The following CUBN variants were observed in gnomAD, a reference collection of about 807,000 sequenced individuals.
CUBN encodes cubilin.
Under a neutral mutation model 405.3 loss-of-function variants are expected in CUBN, and 282 were observed. The ratio of observed to expected loss-of-function variants is 0.70; its 90% CI spans 0.63 to 0.77. The LOEUF (loss-of-function observed/expected upper bound fraction) is 0.77. CUBN is among the 30% of genes least tolerant of loss of function. The pLI, the probability that CUBN is intolerant of heterozygous loss-of-function variation, is 0.00. For synonymous variants in CUBN, 1,684 were observed against 1,617.0 expected (o/e 1.04, Z -0.99); for missense variants, 4,514 against 4,475.2 (o/e 1.01, Z -0.25).
Position 16,928,243 on chromosome 10 carries a change from A to G in CUBN, c.6185T>C (p.Ile2062Thr), listed in dbSNP as rs1842251327. The G allele has an allele frequency of 6.2e-7, 1 of 1,613,816 alleles. No individual in the cohort carries two copies. The highest frequency in any genetic ancestry group is 8.5e-7 in the Non-Finnish European group (1 of 1,179,888). The change falls in exon 41 of 67, where the codon ATC becomes ACC. Residue 2062 changes from isoleucine (I) to threonine (T), a missense_variant. Coordinates refer to ENST00000377833, the MANE Select transcript of CUBN (RefSeq NM_001081.4). ...GAACATGTACTCTCCAGTAGACCGGATGGGCCCAGGGATCTCTCTGCCACA... is the reference window on the plus strand; with the variant it reads ...GAACATGTACTCTCCAGTAGACCGGGTGGGCCCAGGGATCTCTCTGCCACA... ...VLCGREIPGP[I>T]RSTGEYMFIR...
rs1840447811 is a variant in CUBN at position 16,874,549 on chromosome 10, C to A, written c.9107-46G>T. 13 of 1,611,256 alleles carry A rather than the reference C, an allele frequency of 8.1e-6. No homozygotes were observed. In the East Asian group the frequency reaches 2.9e-4, roughly 36 times the overall value. On this transcript the variant is annotated intron_variant, in intron 57 of 66. Coordinates refer to ENST00000377833, the MANE Select transcript of CUBN (RefSeq NM_001081.4). ...ATATGAAGAGAACAACGATTAGTCC[C>A]AGCATGGAAAAATGATTTTAAGAGA...
intron 48 of CUBN, among the ~76,000 whole-genome samples, chr10:16,910,276 C>T (rs1419851866): frequency 6.6e-6 from 1 of 151,388 alleles, no homozygotes; most frequent in Non-Finnish European, 1.5e-5. Context: ...CTTCTTCTTC[C>T]TCTTTCATCT....
chr10:17,000,854 T>G (rs542140188), intron 28 of CUBN, among the ~76,000 whole-genome samples: 40 of 152,314 alleles, frequency 2.6e-4, no homozygotes, highest in Admixed American at 9.2e-4. Flanking sequence ...TTTAAGAAAA[T>G]TATTGGGATG....
intron 64 of CUBN, among the ~76,000 whole-genome samples, chr10:16,833,049 T>C (rs1177847692): frequency 6.6e-6 from 1 of 152,068 alleles, no homozygotes; most frequent in African/African-American, 2.4e-5. Context: ...GAATTCTCAC[T>C]CTCCACGGCT....
intron 16 of CUBN, among the ~76,000 whole-genome samples, chr10:17,085,333 G>A (rs1178218140): frequency 1.3e-5 from 2 of 152,122 alleles, no homozygotes; most frequent in East Asian, 3.8e-4. Flanking sequence ...CTGGTGCCCT[G>A]AATTATTTAA....
chr10:17,082,689 C>T (rs947424968), intron 17 of CUBN, among the ~76,000 whole-genome samples: 1 of 152,124 alleles, frequency 6.6e-6, no homozygotes, highest in African/African-American at 2.4e-5. Context: ...GACCTTCCTC[C>T]CTATGGAAGA....
chr10:16,986,653 T>C (rs1037201035), intron 29 of CUBN, among the ~76,000 whole-genome samples: 1 of 152,186 alleles, frequency 6.6e-6, no homozygotes, highest in African/African-American at 2.4e-5. Flanking sequence ...GGAAGAGCCC[T>C]GTGTGGCCCC....
chr10:17,021,952 C>T (rs770077168), intron 27 of CUBN, among the ~76,000 whole-genome samples: 24 of 152,182 alleles, frequency 1.6e-4, no homozygotes, highest in Non-Finnish European at 3.2e-4. Flanking sequence ...TTGATAAAGG[C>T]AGGTTCCCCA....
chr10:16,851,503 T>A (rs1839684409), intron 59 of CUBN, 60 bp from the exon 60 acceptor site: 3 of 1,449,120 alleles, frequency 2.1e-6, no homozygotes, highest in Non-Finnish European at 2.9e-6. Flanking sequence ...ACATTGTACA[T>A]GGAGGGTTTT....
intron 54 of CUBN, among the ~76,000 whole-genome samples, chr10:16,892,951 T>C (rs546407096): frequency 6.6e-6 from 1 of 152,340 alleles, no homozygotes; most frequent in South Asian, 2.1e-4. Context: ...CTCTACCTTT[T>C]GGCCTGGGAA....
At chr10:16,959,544 C>T (rs1843160831) in intron 31 of CUBN, among the ~76,000 whole-genome samples, 1 of 151,900 alleles carries the variant, frequency 6.6e-6, no homozygotes, top group South Asian at 2.1e-4. Flanking sequence ...AGGAGAATCA[C>T]TTGAACCCAG....
chr10:16,947,976 C>T (rs1011866340), intron 35 of CUBN, among the ~76,000 whole-genome samples: 3 of 152,144 alleles, frequency 2.0e-5, no homozygotes, highest in Non-Finnish European at 2.9e-5. Context: ...TTTGGGAGGC[C>T]GAGGCTGGTG....
chr10:16,837,213 G>A (rs1839199092), intron 62 of CUBN, among the ~76,000 whole-genome samples: 1 of 151,756 alleles, frequency 6.6e-6, no homozygotes, highest in East Asian at 2.0e-4. Context: ...TTTCCACTTT[G>A]TGGCCTTAGC....
chr10:16,895,443 T>C (rs1841155706), intron 54 of CUBN, among the ~76,000 whole-genome samples: 1 of 152,200 alleles, frequency 6.6e-6, no homozygotes, highest in Non-Finnish European at 1.5e-5. Context: ...TATATCCTTG[T>C]CAATTATCTG....
At chr10:16,869,557 T>TGGGGGGGGG (rs59702069) in intron 59 of CUBN, 79 bp downstream of exon 59, 3 of 632,036 alleles carry the variant, frequency 4.7e-6, no homozygotes, top group African/African-American at 5.0e-5. Context: ...CAGGTGGGGG[T>TGGGGGGGGG]GGGGGGGGGG....
chr10:16,865,695 G>C (rs1840162902), intron 59 of CUBN, among the ~76,000 whole-genome samples: 1 of 151,996 alleles, frequency 6.6e-6, no homozygotes, highest in Admixed American at 6.5e-5. Flanking sequence ...AGGGAGGATT[G>C]AAAAAAGGGC....
chr10:16,948,477 C>T lies in CUBN; in HGVS notation c.5209+1G>A. 6.2e-7 allele frequency: 1 copy of T among 1,613,890 alleles called. No individual in the cohort carries two copies. Among genetic ancestry groups the T allele is most frequent in the Non-Finnish European group, 8.5e-7 (1 of 1,179,900 alleles). On this transcript the variant is annotated splice_donor_variant, in intron 35 of 66. Coordinates refer to ENST00000377833, the MANE Select transcript of CUBN (RefSeq NM_001081.4). LOFTEE classifies it high-confidence loss of function. The stretch of plus-strand genomic sequence containing the variant: ...TAGAGTCAGGTGCTAGGGTTTCTTA[C>T]CCGACACTGATGCGGTGACCGTGGT...
intron 27 of CUBN, among the ~76,000 whole-genome samples, chr10:17,034,754 A>T (rs1834859227): frequency 6.6e-6 from 1 of 152,174 alleles, no homozygotes; most frequent in Non-Finnish European, 1.5e-5. Flanking sequence ...ATCTATAAAC[A>T]CTAATGTACC....
chr10:16,874,892 C>A (rs777216710), intron 57 of CUBN, among the ~76,000 whole-genome samples: 1 of 152,066 alleles, frequency 6.6e-6, no homozygotes. Context: ...GAATGATGTT[C>A]TGGGCGTACA....
Sources: gnomAD v4.1 joint callset for allele counts (sites outside exome capture counted in the v4.1 genomes callset) on GRCh38, gnomAD v4.1.1 for gene constraint, MANE v1.5 for transcripts, NCBI Gene and HGNC (gene_info 2026-07-23, HGNC 2026-07-21) for gene names.